Variants in RBM48 observed in about 807,000 individuals in gnomAD.
RBM48 encodes the protein RNA binding motif protein 48, also known as RNA-binding protein 48.
In RBM48, 32 loss-of-function variants were observed where a neutral mutation model predicts 34.8. That is an observed-to-expected ratio of 0.92 (90% CI 0.69 to 1.23). The LOEUF (loss-of-function observed/expected upper bound fraction) is 1.23. RBM48 is among the 50% of genes most tolerant of loss of function. RBM48 has a pLI of 0.00. For synonymous variants in RBM48, 151 were observed against 156.2 expected (o/e 0.97, Z 0.25); for missense variants, 441 against 447.2 (o/e 0.99, Z 0.12).
At chr7:92,536,767 A>G in intron 4 of RBM48, 84 bp from the exon 5 acceptor site, 2 of 1,458,580 alleles carry the variant, frequency 1.4e-6, no homozygotes, top group South Asian at 1.5e-5. Flanking sequence ...GAACTATTGG[A>G]TGTAGTCTTA....
chr7:92,534,573 C>T lies in RBM48; in HGVS notation c.620C>T (p.Ser207Phe), dbSNP rs923207571. 2.5e-6 allele frequency: 4 copies of T among 1,614,152 alleles called. No individual in the cohort carries two copies. The highest frequency in any genetic ancestry group is 1.7e-5 in the Admixed American group (1 of 60,026). ...YSCELPLCYF[S>F]SKCMCSSGGP... ...TGTGAATTGCCTTTATGTTATTTCT[C>T]CTCAAAATGTATGTGTTCATCCGGG... The change falls in exon 4 of 5, where the codon TCC (serine) becomes TTC (phenylalanine). Residue 207 changes from serine (S) to phenylalanine (F), a missense_variant. Coordinates refer to ENST00000265732, the MANE Select transcript of RBM48 (RefSeq NM_032120.4).
Position 92,538,790 on chromosome 7 carries a change from T to C in RBM48, c.*1853T>C, listed in dbSNP as rs1793787915. ...GTTACGGTTTAATGGGCATAGAATT[T>C]CAGTTTTGGAAGATGAAAAGAGTTC... On this transcript the variant is annotated 3_prime_UTR_variant, in exon 5 of 5. Transcript: ENST00000265732. Among the ~76,000 whole-genome samples, 2 of 152,154 alleles carry C rather than the reference T, an allele frequency of 1.3e-5. No individual in the cohort carries two copies. The highest frequency in any genetic ancestry group is 3.4e-3 in the Middle Eastern group (1 of 294).
In RBM48 at chr7:92,529,480, A is replaced by G. The variant is rs377526665; in HGVS notation, c.116A>G (p.Tyr39Cys). The change falls in exon 2 of 5, where the codon TAT becomes TGT. Residue 39 changes from tyrosine (Y) to cysteine (C), a missense_variant. Coordinates refer to ENST00000265732, the MANE Select transcript of RBM48 (RefSeq NM_032120.4). The part of the protein sequence containing the change: ...EGRRPRAVKV[Y>C]TINLESQYLL... ...ATAACTCTGCATTTCTTTCAGGTAT[A>G]TACAATCAATTTGGAATCTCAGTAC... The G allele has an allele frequency of 3.1e-6, 5 of 1,587,854 alleles. No individual in the cohort carries two copies. The highest frequency in any genetic ancestry group is 4.3e-6 in the Non-Finnish European group (5 of 1,160,406).
intron 4 of RBM48, 98 bp downstream of exon 4, chr7:92,535,068 A>G (rs754410662): frequency 2.0e-6 from 3 of 1,513,200 alleles, no homozygotes; most frequent in Admixed American, 2.3e-5. Context: ...ATTTTTTTTC[A>G]CTTTTTAGTG....
rs755376286 is a variant in RBM48 at position 92,534,939 on chromosome 7, C to T, written c.986C>T (p.Thr329Met). Residue 329 changes from threonine (T) to methionine (M), a missense_variant, in exon 4 of 5, where the codon ACG becomes ATG. Transcript: ENST00000265732. ...ATGCACGATGACTCATTGAATACAACGGCGAATTTAATTCGGCATAAACTT... is the reference window on the plus strand; with the variant it reads ...ATGCACGATGACTCATTGAATACAATGGCGAATTTAATTCGGCATAAACTT... The part of the protein sequence containing the change: ...VDMHDDSLNT[T>M]ANLIRHKLKE... The T allele has an allele frequency of 9.9e-6, 16 of 1,613,974 alleles. No individual in the cohort carries two copies. The highest frequency in any genetic ancestry group is 3.3e-5 in the Admixed American group (2 of 59,978).
Position 92,539,986 on chromosome 7 carries a change from C to T in RBM48, c.*3049C>T, listed in dbSNP as rs557407352. ...TCTATCCCTTAAGCAAGCCAATATA[C>T]CCTGGATTTGGTTTGGGAAATACAC... On this transcript the variant is annotated 3_prime_UTR_variant, in exon 5 of 5. Transcript: ENST00000265732. Among the ~76,000 whole-genome samples the T allele has an allele frequency of 2.0e-5, 3 of 152,286 alleles. No homozygotes were observed. The East Asian group carries it at 5.8e-4, about 29-fold the overall frequency.
In RBM48 at chr7:92,539,220, A is replaced by G. The variant is rs1185308216; in HGVS notation, c.*2283A>G. Among the ~76,000 whole-genome samples the G allele has an allele frequency of 2.0e-5, 3 of 152,150 alleles. No homozygotes were observed. The highest frequency in any genetic ancestry group is 4.4e-5 in the Non-Finnish European group (3 of 68,034). On this transcript the variant is annotated 3_prime_UTR_variant, in exon 5 of 5. Coordinates refer to ENST00000265732, the MANE Select transcript of RBM48 (RefSeq NM_032120.4). The stretch of plus-strand genomic sequence containing the variant: ...TCTGATCTAGTCCATTATGCTATAT[A>G]CTGTTTTCGCTCATCTCTTTTCAGA...
chr7:92,539,310 A>T lies in RBM48; in HGVS notation c.*2373A>T, dbSNP rs571361109. Among the ~76,000 whole-genome samples, 19 of 152,376 alleles carry T rather than the reference A, an allele frequency of 1.2e-4. No homozygotes were observed. Among genetic ancestry groups the T allele is most frequent in the Non-Finnish European group, 2.6e-4 (18 of 68,032 alleles). On this transcript the variant is annotated 3_prime_UTR_variant, in exon 5 of 5. Coordinates refer to ENST00000265732, the MANE Select transcript of RBM48 (RefSeq NM_032120.4). ...TTTCCAGAAAGTTAAAATGCGGGGT[A>T]GAGGGAATAAACTACAGGGAGACAA...
chr7:92,535,759 T>C (rs973020809), intron 4 of RBM48: 74 of 974,472 alleles, frequency 7.6e-5, no homozygotes, highest in Admixed American at 2.5e-4. Flanking sequence ...TATATGTACA[T>C]TTTTTACCTA....
In RBM48 at chr7:92,537,576, C is replaced by T. The variant is rs1793752904; in HGVS notation, c.*639C>T. On this transcript the variant is annotated 3_prime_UTR_variant, in exon 5 of 5. Transcript: ENST00000265732. ...TGAAACACTAGAAGTCAGGATGTTT[C>T]CGAATGCCAGGGTTTCAAAATCAAG... is the stretch of plus-strand genomic sequence containing the variant. The T allele has an allele frequency of 6.6e-6, 1 of 152,096 alleles. No homozygotes were observed. The highest frequency in any genetic ancestry group is 1.5e-5 in the Non-Finnish European group (1 of 68,008). 9.4% of individuals were successfully genotyped at this position (152,096 alleles called of 1,614,324 possible). A position where few individuals can be genotyped will look rare whatever the true frequency, so the allele number is the denominator to read the frequency against.
At position 92,534,643 on chromosome 7, in the gene RBM48, CCAT is replaced by C; in HGVS notation, c.694_696del (p.His232del). On this transcript the variant is annotated inframe_deletion, in exon 4 of 5. Transcript: ENST00000265732. Reference sequence around the variant, plus strand: ...CAGACTCCTCTAAGGATGGTAGAAACCATCATAAAACAATGGGGCATTATAACC... The same window carrying C: ...CAGACTCCTCTAAGGATGGTAGAAACCATAAAACAATGGGGCATTATAACC... The C allele has an allele frequency of 6.2e-7, 1 of 1,614,154 alleles. No homozygotes were observed. The highest frequency in any genetic ancestry group is 1.7e-5 in the Admixed American group (1 of 60,028).
chr7:92,528,836 T>C lies in RBM48; in HGVS notation c.23T>C (p.Leu8Pro), dbSNP rs1473498749. 2 of 1,613,832 alleles carry C rather than the reference T, an allele frequency of 1.2e-6. No homozygotes were observed. Among genetic ancestry groups the C allele is most frequent in the African/African-American group, 2.7e-5 (2 of 74,894 alleles). Residue 8 changes from leucine (L) to proline (P), a missense_variant, in exon 1 of 5, where the codon CTA (leucine) becomes CCA (proline). By Grantham distance (98) the Leu-to-Pro change is moderately conservative. Coordinates refer to ENST00000265732, the MANE Select transcript of RBM48 (RefSeq NM_032120.4). Reference protein sequence around the residue: MASSGGELGSLFDHHVQR... With the variant: MASSGGEPGSLFDHHVQR... ...AAGATGGCGTCGAGCGGCGGGGAGC[T>C]AGGGAGTTTATTTGATCACCACGTC...
chr7:92,531,746 A>C (rs1793580702), intron 2 of RBM48, among the ~76,000 whole-genome samples: 1 of 152,248 alleles, frequency 6.6e-6, no homozygotes, highest in South Asian at 2.1e-4. Flanking sequence ...ATAATGTCCC[A>C]GTGCTTCAGT....
Position 92,538,778 on chromosome 7 carries a change from G to A in RBM48, c.*1841G>A, listed in dbSNP as rs1043374068. 4.6e-5 allele frequency among the ~76,000 whole-genome samples: 7 copies of A among 152,100 alleles called. No individual in the cohort carries two copies. Among genetic ancestry groups the A allele is most frequent in the Non-Finnish European group, 1.0e-4 (7 of 68,022 alleles). On this transcript the variant is annotated 3_prime_UTR_variant, in exon 5 of 5. Transcript: ENST00000265732. ...GGAAAATGAGGAGTTACGGTTTAAT[G>A]GGCATAGAATTTCAGTTTTGGAAGA...
Position 92,528,808 on chromosome 7 carries a change from G to A in RBM48, c.-6G>A, listed in dbSNP as rs940073608. The A allele has an allele frequency of 2.5e-6, 4 of 1,613,032 alleles. No individual in the cohort carries two copies. The East Asian group carries it at 6.7e-5, about 27-fold the overall frequency. Reference sequence around the variant, plus strand: ...TGTCCTCCCTGCGAGGATCAAAGTAGGCAAGATGGCGTCGAGCGGCGGGGA... The same window carrying A: ...TGTCCTCCCTGCGAGGATCAAAGTAAGCAAGATGGCGTCGAGCGGCGGGGA... On this transcript the variant is annotated 5_prime_UTR_variant, in exon 1 of 5. Transcript: ENST00000265732.
intron 3 of RBM48, 30 bp downstream of exon 3, chr7:92,532,579 T>G: frequency 4.6e-6 from 7 of 1,535,852 alleles, no homozygotes; most frequent in Non-Finnish European, 6.3e-6. Context: ...AAATGCCTCC[T>G]GTGTGTCAGG....
chr7:92,535,074 T>C (rs1482337871), intron 4 of RBM48, 104 bp downstream of exon 4: 1 of 1,509,342 alleles, frequency 6.6e-7, no homozygotes, highest in African/African-American at 1.4e-5. Context: ...TTTCACTTTT[T>C]AGTGTTTTGA....
chr7:92,538,074 C>T lies in RBM48; in HGVS notation c.*1137C>T, dbSNP rs1454438643. ...TCTTGCCTAGTGGATTGAATTTGAA[C>T]ATACCAGTTAATAAGGTTCAATTTC... On this transcript the variant is annotated 3_prime_UTR_variant, in exon 5 of 5. Coordinates refer to ENST00000265732, the MANE Select transcript of RBM48 (RefSeq NM_032120.4). 1.3e-5 allele frequency: 2 copies of T among 152,202 alleles called. No homozygotes were observed. The highest frequency in any genetic ancestry group is 3.8e-4 in the East Asian group (2 of 5,204). The allele number at this position is 152,202 out of a possible 1,614,324, so 9.4% of individuals were successfully genotyped here.
chr7:92,529,419 C>T (rs1329532660), intron 1 of RBM48, 57 bp from the exon 2 acceptor site: 1 of 1,006,364 alleles, frequency 9.9e-7, no homozygotes, highest in Non-Finnish European at 1.5e-6. Context: ...AAAATAGAGG[C>T]AGATTCGTCC....
Sources: gnomAD v4.1 joint callset for allele counts (sites outside exome capture counted in the v4.1 genomes callset) on GRCh38, gnomAD v4.1.1 for gene constraint, MANE v1.5 for transcripts, NCBI Gene and HGNC (gene_info 2026-07-23, HGNC 2026-07-21) for gene names.